UNC13C: variants seen among roughly 807,000 people sequenced by gnomAD.
The protein encoded by UNC13C is protein unc-13 homolog C.
UNC13C carries 174 observed loss-of-function variants against 245.4 expected under a neutral mutation model. The observed-to-expected ratio is 0.71, with a 90% CI of 0.63 to 0.80. UNC13C has a LOEUF of 0.80. Ranked by LOEUF, UNC13C falls within the 30% of genes least tolerant of loss-of-function variation. The pLI is 0.00. For missense variants in UNC13C, 2,829 were observed against 2,602.9 expected (o/e 1.09, Z -1.89); for synonymous variants, 992 against 895.1 (o/e 1.11, Z -1.93).
At chr15:54,084,816 G>T (rs1303647119) in intron 2 of UNC13C, among the ~76,000 whole-genome samples, 1 of 151,978 alleles carries the variant, frequency 6.6e-6, no homozygotes, top group Non-Finnish European at 1.5e-5. Context: ...AATGCCATTT[G>T]GTCACTCTTT....
chr15:54,213,225 A>G (rs1173988845), intron 4 of UNC13C, among the ~76,000 whole-genome samples: 1 of 152,000 alleles, frequency 6.6e-6, no homozygotes, highest in African/African-American at 2.4e-5. Context: ...ATAAATATAT[A>G]TAATTATTAT....
chr15:54,580,966 C>A (rs142122328), intron 30 of UNC13C, among the ~76,000 whole-genome samples: 187 of 152,314 alleles, frequency 1.2e-3, no homozygotes, highest in African/African-American at 4.3e-3. Flanking sequence ...TGAACCTGTA[C>A]TGTGCACAAA....
intron 4 of UNC13C, among the ~76,000 whole-genome samples, chr15:54,227,708 C>A (rs2035431587): frequency 6.6e-6 from 1 of 152,192 alleles, no homozygotes; most frequent in Admixed American, 6.5e-5. Context: ...GCTTCCCGGG[C>A]CCCCAAGAGC....
intron 30 of UNC13C, among the ~76,000 whole-genome samples, chr15:54,593,884 G>A (rs1898930924): frequency 6.6e-6 from 1 of 152,126 alleles, no homozygotes; most frequent in Admixed American, 6.5e-5. Context: ...AGGTGATTTT[G>A]GGGGCATGTT....
rs776923603 is a variant in UNC13C, at chr15:54,627,073, G to C, written c.6605G>C (p.Arg2202Thr). The C allele has an allele frequency of 3.1e-6, 5 of 1,612,680 alleles. No homozygotes were observed. In the South Asian group the frequency reaches 3.3e-5, roughly 11 times the overall value. Reference sequence around the variant, plus strand: ...GATGATGTGGCTAAAGAATTTGTAAGACTTAAATCTGAAACAAGATCTACT... The same window carrying C: ...GATGATGTGGCTAAAGAATTTGTAACACTTAAATCTGAAACAAGATCTACT... ...TSDDVAKEFV[R>T]LKSETRSTEE... The change falls in exon 33 of 33, where the codon AGA becomes ACA. Residue 2202 changes from arginine (R) to threonine (T), a missense_variant. Arg to Thr is a moderately conservative substitution (Grantham distance 71). Coordinates refer to ENST00000260323, the MANE Select transcript of UNC13C (RefSeq NM_001080534.3).
At chr15:54,503,223 G>A (rs899375156) in intron 22 of UNC13C, among the ~76,000 whole-genome samples, 1 of 151,994 alleles carries the variant, frequency 6.6e-6, no homozygotes, top group African/African-American at 2.4e-5. Flanking sequence ...ACAATGAGAA[G>A]CATTTTCTGG....
chr15:54,491,920 A>C (rs1789794259), intron 19 of UNC13C, among the ~76,000 whole-genome samples: 1 of 148,800 alleles, frequency 6.7e-6, no homozygotes, highest in African/African-American at 2.5e-5. Flanking sequence ...TCAACCCGGG[A>C]GGCGGAGCTT....
intron 30 of UNC13C, among the ~76,000 whole-genome samples, chr15:54,621,786 C>A (rs572329407): frequency 5.4e-4 from 82 of 152,218 alleles, no homozygotes; most frequent in African/African-American, 1.9e-3. Context: ...ATAAGTTTAA[C>A]CCCTGACTAA....
At chr15:54,086,089 T>A (rs1899224128) in intron 2 of UNC13C, among the ~76,000 whole-genome samples, 1 of 152,196 alleles carries the variant, frequency 6.6e-6, no homozygotes, top group South Asian at 2.1e-4. Context: ...CACAATCCTC[T>A]CTTTTAGCTT....
the UNC13C span, among the ~76,000 whole-genome samples, chr15:53,922,683 C>T: frequency 2.0e-5 from 3 of 152,142 alleles, no homozygotes; most frequent in African/African-American, 7.2e-5. Flanking sequence ...TTACAGAGGA[C>T]GTCGCTAACC....
chr15:54,398,524 G>A (rs1343447742), intron 18 of UNC13C, among the ~76,000 whole-genome samples: 1 of 151,160 alleles, frequency 6.6e-6, no homozygotes, highest in African/African-American at 2.4e-5. Context: ...TATAAAATTT[G>A]ACATTTTCTT....
At chr15:54,267,796 G>T (rs1056245400) in intron 10 of UNC13C, among the ~76,000 whole-genome samples, 4 of 151,840 alleles carry the variant, frequency 2.6e-5, no homozygotes, top group African/African-American at 9.7e-5. Context: ...GGGACTGTGG[G>T]TCTACAGTTT....
chr15:54,607,465 G>A (rs542330466), intron 30 of UNC13C, among the ~76,000 whole-genome samples: 91 of 152,230 alleles, frequency 6.0e-4, no homozygotes, highest in Non-Finnish European at 1.2e-3. Flanking sequence ...TTTGAATTTA[G>A]GAGATTGTTA....
chr15:54,397,183 C>T (rs944469777), intron 18 of UNC13C, among the ~76,000 whole-genome samples: 2 of 151,482 alleles, frequency 1.3e-5, no homozygotes, highest in African/African-American at 4.8e-5. Context: ...TCATTTCAAG[C>T]CAATTTTTGC....
intron 4 of UNC13C, among the ~76,000 whole-genome samples, chr15:54,169,933 A>G (rs928012785): frequency 1.3e-5 from 2 of 151,002 alleles, no homozygotes; most frequent in Non-Finnish European, 2.9e-5. Flanking sequence ...TGCATTTGAT[A>G]TCTATCTCCT....
At chr15:54,528,620 T>A (rs1429157641) in intron 25 of UNC13C, among the ~76,000 whole-genome samples, 1 of 152,020 alleles carries the variant, frequency 6.6e-6, no homozygotes, top group African/African-American at 2.4e-5. Flanking sequence ...ACACCCCTTG[T>A]CCAGTCTGTC....
chr15:54,408,199 C>CAAAAAAAA (rs71105808), intron 18 of UNC13C, among the ~76,000 whole-genome samples: 1,860 of 29,110 alleles, frequency 0.064, 481 homozygotes, highest in East Asian at 0.11. Context: ...GACTCTGCCT[C>CAAAAAAAA]AAAAAAAAAA....
intron 10 of UNC13C, among the ~76,000 whole-genome samples, chr15:54,267,277 TAACAAAACAA>T (rs796491801): frequency 6.7e-6 from 1 of 149,532 alleles, no homozygotes; most frequent in African/African-American, 2.6e-5. Flanking sequence ...CATCTTTTTT[TAACAAAACAA>T]AACAAAACAA....
intron 4 of UNC13C, among the ~76,000 whole-genome samples, chr15:54,209,482 G>A (rs1268176851): frequency 2.6e-5 from 4 of 151,414 alleles, no homozygotes; most frequent in Non-Finnish European, 4.4e-5. Flanking sequence ...GCACAATCAC[G>A]GCTCACTGCA....
Sources: gnomAD v4.1 joint callset for allele counts (sites outside exome capture counted in the v4.1 genomes callset) on GRCh38, gnomAD v4.1.1 for gene constraint, MANE v1.5 for transcripts, NCBI Gene and HGNC (gene_info 2026-07-23, HGNC 2026-07-21) for gene names.